The following DNAH11 variants were observed in gnomAD, a reference collection of about 807,000 sequenced individuals.
The protein encoded by DNAH11 is dynein axonemal heavy chain 11, also known as axonemal beta dynein heavy chain 11.
A neutral mutation model predicts 526.0 loss-of-function variants in DNAH11; 442 were observed. That is an observed-to-expected ratio of 0.84 (90% confidence interval 0.78 to 0.91). The LOEUF is 0.91. Ranked by LOEUF, DNAH11 falls within the 40% of genes least tolerant of loss-of-function variation. DNAH11 has a pLI of 0.00. For synonymous variants in DNAH11, 2,461 were observed against 1,935.9 expected (o/e 1.27, Z -7.12); for missense variants, 6,989 against 5,448.7 (o/e 1.28, Z -8.90).
intron 46 of DNAH11, among the ~76,000 whole-genome samples, chr7:21,737,456 T>C (rs1785665752): frequency 6.6e-6 from 1 of 152,156 alleles, no homozygotes; most frequent in Non-Finnish European, 1.5e-5. Context: ...CTGAGGGGAC[T>C]GTATTTCATT....
chr7:21,735,637 C>A lies in DNAH11; in HGVS notation c.7441-3C>A. 1 of 1,573,738 alleles carries A rather than the reference C, an allele frequency of 6.4e-7. No individual in the cohort carries two copies. The highest frequency in any genetic ancestry group is 8.6e-7 in the Non-Finnish European group (1 of 1,158,072). ...CTTTGTCTCATTCTGTTTCTCCTCC[C>A]AGACAGTTCTCGTTCACACAACAGA... On this transcript the variant is annotated splice_region_variant and splice_polypyrimidine_tract_variant and intron_variant, in intron 45 of 81. Coordinates refer to ENST00000409508, the MANE Select transcript of DNAH11 (RefSeq NM_001277115.2).
rs1330445927 is a variant in DNAH11, at chr7:21,726,935, C to CTTTTTTTTTT, written c.7440+958_7440+967dup. ...CTGTTATATTTCTGCATCCTCTTTT[C>CTTTTTTTTTT]TTTTTTTTTTTTTTTTGAGATGGAG... On this transcript the variant is annotated intron_variant, in intron 45 of 81. Transcript: ENST00000409508. Among the ~76,000 whole-genome samples, 56 of 31,990 alleles carry CTTTTTTTTTT rather than the reference C, an allele frequency of 1.8e-3. 20 individuals are homozygous for CTTTTTTTTTT. In the South Asian group the frequency reaches 0.019, roughly 11 times the overall value. 21.0% of individuals were successfully genotyped at this position (31,990 alleles called of 152,430 possible).
intron 8 of DNAH11, among the ~76,000 whole-genome samples, chr7:21,575,807 T>A (rs542043480): frequency 6.6e-6 from 1 of 152,372 alleles, no homozygotes; most frequent in African/African-American, 2.4e-5. Flanking sequence ...GCTTTTGCAT[T>A]AATAGCATTT....
Position 21,600,751 on chromosome 7 carries a change from A to G in DNAH11, c.3076A>G (p.Lys1026Glu). 1 of 1,613,890 alleles carries G rather than the reference A, an allele frequency of 6.2e-7. No homozygotes were observed. Among genetic ancestry groups the G allele is most frequent in the Non-Finnish European group, 8.5e-7 (1 of 1,179,842 alleles). The change falls in exon 16 of 82, where the codon AAA becomes GAA. Residue 1026 changes from lysine to glutamate, a missense_variant. By Grantham distance (56) the Lys-to-Glu change is moderately conservative. Coordinates refer to ENST00000409508, the MANE Select transcript of DNAH11 (RefSeq NM_001277115.2). ...GAACAGAGTGGTGAATGTCATCAACAAAGTCTTAGATTTCAGAAACACCCT... is the reference window on the plus strand; with the variant it reads ...GAACAGAGTGGTGAATGTCATCAACGAAGTCTTAGATTTCAGAAACACCCT... ...IMNRVVNVIN[K>E]VLDFRNTLET... is the part of the protein sequence containing the mutation.
At chr7:21,876,485 C>G (rs1184377306) in intron 74 of DNAH11, among the ~76,000 whole-genome samples, 1 of 152,150 alleles carries the variant, frequency 6.6e-6, no homozygotes, top group Non-Finnish European at 1.5e-5. Context: ...TTCCCATTGC[C>G]CTTTTATCAG....
intron 66 of DNAH11, among the ~76,000 whole-genome samples, chr7:21,846,215 C>G (rs561797024): frequency 6.6e-6 from 1 of 152,184 alleles, no homozygotes; most frequent in African/African-American, 2.4e-5. Flanking sequence ...TTCCATATAC[C>G]TTTAATTTCC....
intron 75 of DNAH11, 98 bp downstream of exon 75, chr7:21,880,991 A>G (rs1395158935): frequency 4.5e-6 from 5 of 1,104,274 alleles, no homozygotes; most frequent in Middle Eastern, 3.0e-4. Context: ...TTTTGAAGCT[A>G]TTATTGAAAT....
At chr7:21,775,905 A>G (rs537729541) in intron 56 of DNAH11, among the ~76,000 whole-genome samples, 2 of 152,286 alleles carry the variant, frequency 1.3e-5, no homozygotes, top group East Asian at 3.9e-4. Context: ...TTGTCACCCA[A>G]ACTGAGCTTT....
At chr7:21,807,241 G>A (rs1016182203) in intron 62 of DNAH11, among the ~76,000 whole-genome samples, 9 of 152,202 alleles carry the variant, frequency 5.9e-5, no homozygotes, top group Admixed American at 1.3e-4. Context: ...GCTCACGCCT[G>A]TAATCCCAGC....
intron 36 of DNAH11, among the ~76,000 whole-genome samples, chr7:21,702,412 G>T (rs1784101885): frequency 6.6e-6 from 1 of 151,966 alleles, no homozygotes; most frequent in South Asian, 2.1e-4. Flanking sequence ...GAGTTAGCAG[G>T]TCTGTTGAGA....
chr7:21,657,814 G>A (rs968192876), intron 29 of DNAH11, among the ~76,000 whole-genome samples: 1 of 152,170 alleles, frequency 6.6e-6, no homozygotes, highest in Non-Finnish European at 1.5e-5. Flanking sequence ...GCCATTTCCA[G>A]AGCAGTGTTT....
intron 70 of DNAH11, among the ~76,000 whole-genome samples, chr7:21,865,862 G>A (rs1363671481): frequency 2.0e-5 from 3 of 152,108 alleles, no homozygotes; most frequent in African/African-American, 7.2e-5. Flanking sequence ...AACAAGGGGT[G>A]GATTATTCAT....
At chr7:21,725,760 C>T in intron 44 of DNAH11, 51 bp from the exon 45 acceptor site, 1 of 1,525,478 alleles carries the variant, frequency 6.6e-7, no homozygotes, top group Non-Finnish European at 8.9e-7. Context: ...TCTTTTTTTA[C>T]AGTTTTAATT....
chr7:21,751,323 C>T (rs1417794469), intron 54 of DNAH11, among the ~76,000 whole-genome samples: 1 of 151,970 alleles, frequency 6.6e-6, no homozygotes, highest in Non-Finnish European at 1.5e-5. Flanking sequence ...CACTCTGTCT[C>T]AAAAAACAAA....
At chr7:21,717,076 C>T (rs1284287905) in intron 42 of DNAH11, among the ~76,000 whole-genome samples, 1 of 152,128 alleles carries the variant, frequency 6.6e-6, no homozygotes, top group African/African-American at 2.4e-5. Context: ...TAACATCATA[C>T]ATTTTTGCCC....
intron 22 of DNAH11, among the ~76,000 whole-genome samples, chr7:21,616,753 C>T (rs749864208): frequency 1.3e-5 from 2 of 152,144 alleles, no homozygotes; most frequent in African/African-American, 4.8e-5. Flanking sequence ...TCTGGTATCC[C>T]AAGGGGGCTC....
Position 21,564,253 on chromosome 7 carries a change from G to A in DNAH11, c.1050G>A (p.Gln350=). Residue 350 remains glutamine, a synonymous_variant, in exon 6 of 82, where the codon CAG becomes CAA. Coordinates refer to ENST00000409508, the MANE Select transcript of DNAH11 (RefSeq NM_001277115.2). ...TGAGGAGACACATCCAGTGTCTCCAGGAGACGGAATTCCCACAGACACGCA... is the reference window on the plus strand; with the variant it reads ...TGAGGAGACACATCCAGTGTCTCCAAGAGACGGAATTCCCACAGACACGCA... The part of the protein sequence containing the change: ...RPLRRHIQCL[Q]ETEFPQTRIL... The A allele has an allele frequency of 3.7e-6, 6 of 1,613,588 alleles. No individual in the cohort carries two copies. The highest frequency in any genetic ancestry group is 5.1e-6 in the Non-Finnish European group (6 of 1,179,722).
intron 70 of DNAH11, among the ~76,000 whole-genome samples, chr7:21,865,268 A>T (rs2128033180): frequency 6.6e-6 from 1 of 152,308 alleles, no homozygotes; most frequent in East Asian, 1.9e-4. Flanking sequence ...TCTAAGAAGG[A>T]AACATTTCTG....
intron 55 of DNAH11, among the ~76,000 whole-genome samples, chr7:21,767,199 C>T (rs1562534110): frequency 6.6e-6 from 1 of 152,068 alleles, no homozygotes; most frequent in Non-Finnish European, 1.5e-5. Flanking sequence ...GGGAGAGAGT[C>T]AGTATGTATC....
Sources: gnomAD v4.1 joint callset for allele counts (sites outside exome capture counted in the v4.1 genomes callset) on GRCh38, gnomAD v4.1.1 for gene constraint, MANE v1.5 for transcripts, NCBI Gene and HGNC (gene_info 2026-07-23, HGNC 2026-07-21) for gene names.